PALLD: variants seen among roughly 807,000 people sequenced by gnomAD.
PALLD encodes the protein palladin, cytoskeletal associated protein, also known as palladin.
In PALLD, 61 loss-of-function variants were observed where a neutral mutation model predicts 123.5. That is an observed-to-expected ratio of 0.49 (90% confidence interval 0.40 to 0.61). The LOEUF (loss-of-function observed/expected upper bound fraction) is 0.61, where lower values mean the gene tolerates loss of function less well. Ranked by LOEUF, PALLD falls within the 20% of genes least tolerant of loss-of-function variation. The pLI, the probability that PALLD is intolerant of heterozygous loss-of-function variation, is 0.00. For missense variants in PALLD, 1,273 were observed against 1,377.0 expected (o/e 0.92, Z 1.20); for synonymous variants, 465 against 496.4 (o/e 0.94, Z 0.84).
At chr4:168,858,026 T>C (rs765636987) in intron 10 of PALLD, among the ~76,000 whole-genome samples, 3 of 152,228 alleles carry the variant, frequency 2.0e-5, no homozygotes, top group Non-Finnish European at 4.4e-5. Flanking sequence ...GCAACACTTC[T>C]GATGAGGGCA....
chr4:168,742,620 C>A (rs1212021336), intron 10 of PALLD, among the ~76,000 whole-genome samples: 1 of 152,146 alleles, frequency 6.6e-6, no homozygotes. Flanking sequence ...GTTATTAGAA[C>A]AGTGTTTCCC....
intron 10 of PALLD, among the ~76,000 whole-genome samples, chr4:168,816,405 ATATATATATTTT>A (rs1741935447): frequency 1.5e-5 from 2 of 137,624 alleles, no homozygotes; most frequent in Non-Finnish European, 3.1e-5. Context: ...ATATATATAT[ATATATATATTTT>A]TTTTAAGTAT....
chr4:168,911,864 C>T (rs1000793956), intron 15 of PALLD, among the ~76,000 whole-genome samples: 2 of 152,116 alleles, frequency 1.3e-5, no homozygotes, highest in African/African-American at 4.8e-5. Flanking sequence ...TAGCAAACAC[C>T]GTGAATGCCA....
chr4:168,761,645 G>GTTTTTTTTTGTTTTTTTTTTTTTTTTT (rs1732875430), intron 10 of PALLD, among the ~76,000 whole-genome samples: 1 of 88,026 alleles, frequency 1.1e-5, no homozygotes, highest in Non-Finnish European at 2.2e-5. Flanking sequence ...GTTGTTGTTT[G>GTTTTTTTTTGTTTTTTTTTTTTTTTTT]TTTTTTTTTT....
chr4:168,849,314 TTTG>T (rs1346036091), intron 10 of PALLD, among the ~76,000 whole-genome samples: 2 of 152,216 alleles, frequency 1.3e-5, no homozygotes, highest in East Asian at 1.9e-4. Context: ...GTTTGGATGT[TTTG>T]TTGTTTGCTT....
chr4:168,811,803 C>CACAG (rs1741201035), intron 10 of PALLD, among the ~76,000 whole-genome samples: 2 of 150,366 alleles, frequency 1.3e-5, no homozygotes, highest in Non-Finnish European at 3.0e-5. Flanking sequence ...CACACACACA[C>CACAG]ACACACATTT....
At chr4:168,649,049 G>A (rs1777772840) in intron 2 of PALLD, among the ~76,000 whole-genome samples, 1 of 152,186 alleles carries the variant, frequency 6.6e-6, no homozygotes, top group Non-Finnish European at 1.5e-5. Flanking sequence ...TCACTTCATG[G>A]ATAAAAAGCA....
rs1752092609 is a variant in PALLD at position 168,878,272 on chromosome 4, G to A, written c.1965-12650G>A. The A allele has an allele frequency of 2.0e-6, 3 of 1,525,826 alleles. No homozygotes were observed. The highest frequency in any genetic ancestry group is 2.5e-5 in the East Asian group (1 of 39,986). The allele number at this position is 1,525,826 out of a possible 1,614,324, so 94.5% of individuals were successfully genotyped here. A position where few individuals can be genotyped will look rare whatever the true frequency, so the allele number is the denominator to read the frequency against. On this transcript the variant is annotated intron_variant, in intron 10 of 21. Coordinates refer to ENST00000505667, the MANE Select transcript of PALLD (RefSeq NM_001166108.2). ...GCCCGGGACAGGCGTCCCACTGCTC[G>A]TCGCCTGCCACCCGCTTCGGCCACA...
chr4:168,786,296 C>G (rs920584303), intron 10 of PALLD, among the ~76,000 whole-genome samples: 3 of 152,056 alleles, frequency 2.0e-5, no homozygotes, highest in Admixed American at 6.6e-5. Flanking sequence ...CCACTGCACT[C>G]CAGCCTGGCA....
chr4:168,797,300 A>G (rs1434533210), intron 10 of PALLD, among the ~76,000 whole-genome samples: 1 of 152,070 alleles, frequency 6.6e-6, no homozygotes, highest in African/African-American at 2.4e-5. Context: ...TTTGACTTCT[A>G]ATCTCCTTTA....
intron 2 of PALLD, 75 bp from the exon 3 acceptor site, chr4:168,668,115 C>G (rs937041835): frequency 4.2e-6 from 5 of 1,202,858 alleles, no homozygotes; most frequent in Non-Finnish European, 6.2e-6. Context: ...CCAGCCTTCA[C>G]TTCTGCTTTA....
intron 2 of PALLD, among the ~76,000 whole-genome samples, chr4:168,584,914 C>A (rs1194755063): frequency 6.6e-6 from 1 of 152,206 alleles, no homozygotes; most frequent in Admixed American, 6.5e-5. Flanking sequence ...CCCATGCACA[C>A]ACACATGAAG....
intron 2 of PALLD, among the ~76,000 whole-genome samples, chr4:168,563,045 G>A (rs1473971600): frequency 6.6e-6 from 1 of 152,204 alleles, no homozygotes; most frequent in Non-Finnish European, 1.5e-5. Flanking sequence ...CTGGAAGATT[G>A]TTTGTGGGGA....
intron 10 of PALLD, among the ~76,000 whole-genome samples, chr4:168,812,639 A>G (rs1238745018): frequency 6.6e-6 from 1 of 152,214 alleles, no homozygotes; most frequent in Non-Finnish European, 1.5e-5. Flanking sequence ...TTTCCATCTC[A>G]GGAGATATTT....
intron 10 of PALLD, among the ~76,000 whole-genome samples, chr4:168,718,258 G>A (rs1455455258): frequency 2.0e-5 from 3 of 152,124 alleles, no homozygotes; most frequent in Admixed American, 2.0e-4. Flanking sequence ...CTTAGGTTCT[G>A]TTCTTGTATA....
At position 168,512,111 on chromosome 4, in the gene PALLD, G is replaced by A; in HGVS notation, c.607G>A (p.Gly203Arg). Reference sequence around the variant, plus strand: ...TGGGGAGTCCTCGTCACCAGACAGTGGGTACCTGTCTCCTAAAAATCAGCC... The same window carrying A: ...TGGGGAGTCCTCGTCACCAGACAGTAGGTACCTGTCTCCTAAAAATCAGCC... ...PNGESSSPDS[G>R]YLSPKNQPSA... Residue 203 changes from glycine to arginine, a missense_variant, in exon 2 of 22, where the codon GGG becomes AGG. This residue lies in a region of PALLD where 944 missense variants were observed against 954.5 expected (regional missense o/e 0.99). Coordinates refer to ENST00000505667, the MANE Select transcript of PALLD (RefSeq NM_001166108.2). 1 of 1,614,194 alleles carries A rather than the reference G, an allele frequency of 6.2e-7. No individual in the cohort carries two copies. The highest frequency in any genetic ancestry group is 8.5e-7 in the Non-Finnish European group (1 of 1,180,008).
chr4:168,773,323 C>T lies in PALLD; in HGVS notation c.1964+61400C>T, dbSNP rs146545019. ...TGGAAACACACTCTGAACAGATTTCCGGCAGGAGCTTCCACCAGGTTTTCT... is the reference window on the plus strand; with the variant it reads ...TGGAAACACACTCTGAACAGATTTCTGGCAGGAGCTTCCACCAGGTTTTCT... On this transcript the variant is annotated intron_variant, in intron 10 of 21. Coordinates refer to ENST00000505667, the MANE Select transcript of PALLD (RefSeq NM_001166108.2). Among the ~76,000 whole-genome samples the T allele has an allele frequency of 2.1e-3, 320 of 152,256 alleles. 1 individual carries two copies. The highest frequency in any genetic ancestry group is 4.7e-3 in the African/African-American group (196 of 41,536).
intron 2 of PALLD, among the ~76,000 whole-genome samples, chr4:168,604,627 A>T (rs982456498): frequency 2.0e-5 from 3 of 152,254 alleles, no homozygotes; most frequent in Non-Finnish European, 1.5e-5. Flanking sequence ...CAATATGAAT[A>T]TTAATAGTGC....
chr4:168,545,063 G>A (rs950759471), intron 2 of PALLD, among the ~76,000 whole-genome samples: 33 of 152,158 alleles, frequency 2.2e-4, no homozygotes, highest in Non-Finnish European at 2.1e-4. Context: ...CCTGTGAGAG[G>A]AAATCAAAGT....
Sources: gnomAD v4.1 joint callset for allele counts (sites outside exome capture counted in the v4.1 genomes callset) on GRCh38, gnomAD v4.1.1 for gene constraint, gnomAD v4.1.1 regional missense constraint, MANE v1.5 for transcripts, NCBI Gene and HGNC (gene_info 2026-07-23, HGNC 2026-07-21) for gene names.